NFATC2: variants seen among roughly 807,000 people sequenced by gnomAD.
NFATC2 encodes the protein nuclear factor of activated T cells 2.
Under a neutral mutation model 87.3 loss-of-function variants are expected in NFATC2, and 22 were observed. That is an observed-to-expected ratio of 0.25 (90% CI 0.18 to 0.36). The LOEUF (loss-of-function observed/expected upper bound fraction) is 0.36. Among genes scored for constraint, NFATC2 ranks in the 10% least tolerant of loss-of-function variants. The probability of loss-of-function intolerance (pLI) is 1.00; values close to 1 mark genes in which losing one functional copy is unlikely to be tolerated. For synonymous variants in NFATC2, 565 were observed against 542.2 expected (o/e 1.04, Z -0.58); for missense variants, 1,149 against 1,259.1 (o/e 0.91, Z 1.32).
intron 5 of NFATC2, among the ~76,000 whole-genome samples, chr20:51,466,427 G>C (rs2092572): frequency 0.069 from 10,486 of 152,026 alleles, 410 homozygotes; most frequent in Middle Eastern, 0.11. Context: ...CTAGACCCAG[G>C]AGAGTAAAGT....
chr20:51,489,062 C>T (rs556795087), intron 3 of NFATC2, among the ~76,000 whole-genome samples: 41 of 152,158 alleles, frequency 2.7e-4, no homozygotes, highest in Non-Finnish European at 5.4e-4. Flanking sequence ...GGGTGGCGGG[C>T]GCCTGCAATC....
rs569821397 is a variant in NFATC2, at chr20:51,440,839, G to A, written c.1850-5078C>T. 1.7e-3 allele frequency among the ~76,000 whole-genome samples: 254 copies of A among 152,334 alleles called. 1 individual carries two copies. Among genetic ancestry groups the A allele is most frequent in the Non-Finnish European group, 3.1e-3 (211 of 68,014 alleles). On this transcript the variant is annotated intron_variant, in intron 6 of 10. Coordinates refer to ENST00000371564, the MANE Select transcript of NFATC2 (RefSeq NM_012340.5). ...GGCTGGTCTCTAAGGGAAGTGTGCG[G>A]TTTGCAAGGTACCTTGGGGTCATTT...
At chr20:51,459,463 G>A (rs189642731) in intron 5 of NFATC2, among the ~76,000 whole-genome samples, 61 of 152,270 alleles carry the variant, frequency 4.0e-4, no homozygotes, top group Non-Finnish European at 8.8e-5. Flanking sequence ...AAGTTCTGCA[G>A]GCCAGATGGG....
At chr20:51,428,512 G>C (rs1206263920) in intron 9 of NFATC2, among the ~76,000 whole-genome samples, 1 of 152,238 alleles carries the variant, frequency 6.6e-6, no homozygotes, top group East Asian at 1.9e-4. Context: ...AAGCCAGCCG[G>C]CGTCTGTGTG....
chr20:51,538,426 T>C (rs745650148), intron 1 of NFATC2, among the ~76,000 whole-genome samples: 71 of 152,172 alleles, frequency 4.7e-4, no homozygotes, highest in Non-Finnish European at 8.5e-4. Context: ...TTTACATAAT[T>C]CATACACCTC....
chr20:51,546,603 A>G (rs2076891633), upstream of NFATC2, among the ~76,000 whole-genome samples: 1 of 152,218 alleles, frequency 6.6e-6, no homozygotes, highest in Non-Finnish European at 1.5e-5. Flanking sequence ...GAAGTGCAAC[A>G]GAAAGCTAGT....
At chr20:51,474,279 C>T in intron 4 of NFATC2, 127 bp from the exon 5 acceptor site, 1 of 1,122,994 alleles carries the variant, frequency 8.9e-7, no homozygotes, top group Non-Finnish European at 1.3e-6. Context: ...AGCATTTCAG[C>T]CAGGAATGTA....
Position 51,480,977 on chromosome 20 carries a change from T to C in NFATC2, c.1333-5317A>G, listed in dbSNP as rs1382088167. 6.6e-6 allele frequency among the ~76,000 whole-genome samples: 1 copy of C among 152,146 alleles called. No homozygotes were observed. The highest frequency in any genetic ancestry group is 1.5e-5 in the Non-Finnish European group (1 of 68,016). On this transcript the variant is annotated intron_variant, in intron 3 of 10. Transcript: ENST00000371564. This position sits in a 1 kb window ranked among gnomAD's most constrained non-coding sequence, Gnocchi z 4.2. ...CAGGCACTAATTGCAGTCTTCTCAGTGGGCTGGCTCAACAGTTGCCGGCTT... is the reference window on the plus strand; with the variant it reads ...CAGGCACTAATTGCAGTCTTCTCAGCGGGCTGGCTCAACAGTTGCCGGCTT...
Position 51,398,661 on chromosome 20 carries a change from G to T in NFATC2, c.*26C>A, listed in dbSNP as rs199799112. 6.2e-7 allele frequency: 1 copy of T among 1,607,660 alleles called. No homozygotes were observed. The highest frequency in any genetic ancestry group is 1.3e-5 in the African/African-American group (1 of 74,768). ...CGATTACCTTTAACTTTGATTTCTCGGATCAAAGATCACAGTCATTCTGTT... is the reference window on the plus strand; with the variant it reads ...CGATTACCTTTAACTTTGATTTCTCTGATCAAAGATCACAGTCATTCTGTT... On this transcript the variant is annotated 3_prime_UTR_variant, in exon 10 of 11. Transcript: ENST00000371564.
intron 6 of NFATC2, among the ~76,000 whole-genome samples, chr20:51,437,285 A>G (rs1269873460): frequency 6.6e-6 from 1 of 152,174 alleles, no homozygotes. Context: ...GAGAAGGGGG[A>G]AAAATCTACA....
chr20:51,495,277 G>A (rs551607299), intron 3 of NFATC2, among the ~76,000 whole-genome samples: 11 of 152,126 alleles, frequency 7.2e-5, no homozygotes, highest in Admixed American at 3.3e-4. Flanking sequence ...TTGTAGACAC[G>A]GGATTTCACC....
At chr20:51,529,024 G>A (rs1405771743) in intron 1 of NFATC2, among the ~76,000 whole-genome samples, 13 of 152,046 alleles carry the variant, frequency 8.6e-5, no homozygotes, top group Admixed American at 7.9e-4. Flanking sequence ...ACACACACAC[G>A]CCTTCCTAGA....
chr20:51,407,835 T>C (rs774338668), intron 9 of NFATC2, among the ~76,000 whole-genome samples: 6 of 152,194 alleles, frequency 3.9e-5, no homozygotes, highest in Non-Finnish European at 8.8e-5. Context: ...GAAGGAGAAA[T>C]TGTTTCTTCG....
chr20:51,417,526 C>G (rs1980209892), intron 9 of NFATC2, among the ~76,000 whole-genome samples: 1 of 152,196 alleles, frequency 6.6e-6, no homozygotes, highest in African/African-American at 2.4e-5. Context: ...GGTCTCAAAT[C>G]CAAAGTCACT....
intron 2 of NFATC2, among the ~76,000 whole-genome samples, chr20:51,521,246 G>T (rs1267174245): frequency 1.3e-5 from 2 of 152,242 alleles, no homozygotes; most frequent in Non-Finnish European, 2.9e-5. Flanking sequence ...GGCCCAGCGG[G>T]CAGGGCCCGA....
At position 51,524,868 on chromosome 20, in the gene NFATC2, G is replaced by A; in HGVS notation, c.131-758C>T. Among the ~76,000 whole-genome samples, 1 of 152,182 alleles carries A rather than the reference G, an allele frequency of 6.6e-6. No homozygotes were observed. Among genetic ancestry groups the A allele is most frequent in the Non-Finnish European group, 1.5e-5 (1 of 67,994 alleles). ...TAAAAATACCACAGGCAAGCCACTT[G>A]CCCCCCAACAGGCAGGGTCACTGCT... is the stretch of plus-strand genomic sequence containing the variant. On this transcript the variant is annotated intron_variant, in intron 1 of 10. Transcript: ENST00000371564. The surrounding 1 kb of genome is among the most constrained non-coding windows in gnomAD (Gnocchi z 4.0).
chr20:51,445,655 C>T (rs755955960), intron 6 of NFATC2, among the ~76,000 whole-genome samples: 1 of 152,226 alleles, frequency 6.6e-6, no homozygotes, highest in African/African-American at 2.4e-5. Context: ...TGTGACCTGG[C>T]TTCCCTGGCT....
At chr20:51,411,882 G>T (rs1219609956) in intron 9 of NFATC2, among the ~76,000 whole-genome samples, 1 of 152,134 alleles carries the variant, frequency 6.6e-6, no homozygotes, top group Non-Finnish European at 1.5e-5. Context: ...GCACTCTGCA[G>T]ATGTGTTGAG....
rs568320086 is a variant in NFATC2 at position 51,429,244 on chromosome 20, C to T, written c.2722+2823G>A. On this transcript the variant is annotated intron_variant, in intron 9 of 10. Transcript: ENST00000371564. ...CATCTTGGTGGCTACGGTGGAGATG[C>T]AGTCTGGGGCTTGCCACTGGGCACG... 1.6e-4 allele frequency among the ~76,000 whole-genome samples: 25 copies of T among 152,350 alleles called. No homozygotes were observed. In the South Asian group the frequency reaches 3.1e-3, roughly 19 times the overall value.
Sources: allele counts gnomAD v4.1 joint callset (sites outside exome capture counted in the v4.1 genomes callset), GRCh38; gene constraint gnomAD v4.1.1; non-coding constraint Gnocchi (gnomAD v3.1); transcripts MANE v1.5; gene names NCBI Gene and HGNC (gene_info 2026-07-23, HGNC 2026-07-21).